The following IL3RA variants were observed in gnomAD, a reference collection of about 807,000 sequenced individuals.
IL3RA encodes the protein interleukin-3 receptor subunit alpha.
In IL3RA, 73 loss-of-function variants were observed where a neutral mutation model predicts 52.3. The ratio of observed to expected loss-of-function variants is 1.40; its 90% CI spans 1.16 to 1.70. IL3RA has a LOEUF of 1.70. Among genes scored for constraint, IL3RA ranks in the 40% most tolerant of loss-of-function variants. IL3RA has a pLI of 0.00. For missense variants in IL3RA, 664 were observed against 504.4 expected (o/e 1.32, Z -3.03); for synonymous variants, 260 against 194.0 (o/e 1.34, Z -2.83).
chrX:1,348,325 C>G, intron 3 of IL3RA, 106 bp from the exon 4 acceptor site: 8 of 860,948 alleles, frequency 9.3e-6, no homozygotes, highest in Non-Finnish European at 1.2e-5. Context: ...TGCACTCCAG[C>G]GTGGGCGACG....
At chrX:1,339,796 AAAAAC>A (rs1320785755) in intron 1 of IL3RA, among the ~76,000 whole-genome samples, 26 of 152,130 alleles carry the variant, frequency 1.7e-4, no homozygotes, top group Non-Finnish European at 3.4e-4. Flanking sequence ...CCATCTCAGA[AAAAAC>A]AAAACAAAAC....
intron 6 of IL3RA, 25 bp downstream of exon 6, chrX:1,352,531 C>T (rs1332520993): frequency 2.5e-6 from 4 of 1,606,754 alleles, no homozygotes; most frequent in East Asian, 2.2e-5. Context: ...ACACTCCCTC[C>T]CACCCTCAGT....
intron 6 of IL3RA, among the ~76,000 whole-genome samples, chrX:1,353,224 CCCCCCCA>C (rs2086236831): frequency 1.4e-4 from 3 of 20,792 alleles, no homozygotes; most frequent in African/African-American, 2.7e-4. Flanking sequence ...GGTAATAGGA[CCCCCCCA>C]TCATGGGTTC....
At chrX:1,344,530 T>G (rs1389829529) in intron 2 of IL3RA, among the ~76,000 whole-genome samples, 1 of 151,512 alleles carries the variant, frequency 6.6e-6, no homozygotes, top group Non-Finnish European at 1.5e-5. Flanking sequence ...ATCCCAGCAC[T>G]TTGAGAGGCC....
At position 1,341,835 on chromosome X, in the gene IL3RA, A is replaced by G; in HGVS notation, c.64+6A>G. The stretch of plus-strand genomic sequence containing the variant: ...TCTCCTGCAAACGAAGGAAGGTAAG[A>G]ACTGGAGAAAAAATGCACGTGCCAC... On this transcript the variant is annotated splice_donor_region_variant and intron_variant, in intron 2 of 11. Coordinates refer to ENST00000331035, the MANE Select transcript of IL3RA (RefSeq NM_002183.4). 1 of 1,613,844 alleles carries G rather than the reference A, an allele frequency of 6.2e-7. No individual in the cohort carries two copies.
chrX:1,382,397 T>G lies in IL3RA; in HGVS notation c.1069T>G (p.Trp357Gly). The G allele has an allele frequency of 6.2e-7, 1 of 1,613,704 alleles. No homozygotes were observed. Among genetic ancestry groups the G allele is most frequent in the Non-Finnish European group, 8.5e-7 (1 of 1,179,692 alleles). ...CCTCCTCTCGTCTCTGCAGGTGGTC[T>G]GGGAGGCGGGCAAAGCCGGCCTGGA... ...DSFQNDKLVV[W>G]EAGKAGLEEC... The change falls in exon 12 of 12, where the codon TGG becomes GGG. Residue 357 changes from tryptophan to glycine, a missense_variant. Coordinates refer to ENST00000331035, the MANE Select transcript of IL3RA (RefSeq NM_002183.4).
rs1218148690 is a variant in IL3RA at position 1,378,667 on chromosome X, CAGG to C, written c.890_892del (p.Glu297del). 1.2e-6 allele frequency: 2 copies of C among 1,612,268 alleles called. No individual in the cohort carries two copies. Among genetic ancestry groups the C allele is most frequent in the Non-Finnish European group, 1.7e-6 (2 of 1,179,780 alleles). On this transcript the variant is annotated inframe_deletion, in exon 10 of 12. Coordinates refer to ENST00000331035, the MANE Select transcript of IL3RA (RefSeq NM_002183.4). Reference sequence around the variant, plus strand: ...TCACCCTTTACCCCTAGAGTGCGACCAGGAGGAGGGCGCAAACACACGTGCCTG... The same window carrying C: ...TCACCCTTTACCCCTAGAGTGCGACCAGGAGGGCGCAAACACACGTGCCTG...
At chrX:1,378,435 G>A (rs2088949164) in intron 9 of IL3RA, among the ~76,000 whole-genome samples, 2 of 152,256 alleles carry the variant, frequency 1.3e-5, no homozygotes, top group Middle Eastern at 3.4e-3. Context: ...GACTGGGGCT[G>A]GGAGGTCCGG....
rs2085504031 is a variant in IL3RA at position 1,341,712 on chromosome X, C to T, written c.-38-16C>T. The T allele has an allele frequency of 2.5e-6, 4 of 1,606,746 alleles. No individual in the cohort carries two copies. In the Admixed American group the frequency reaches 6.7e-5, roughly 27 times the overall value. ...CACAGCCAGTCCCCGCTGCCTGACTCTCGTTTCTCCTGCAGCAGGCACCTC... is the reference window on the plus strand; with the variant it reads ...CACAGCCAGTCCCCGCTGCCTGACTTTCGTTTCTCCTGCAGCAGGCACCTC... On this transcript the variant is annotated splice_polypyrimidine_tract_variant and intron_variant, in intron 1 of 11. Transcript: ENST00000331035.
At chrX:1,359,916 C>A (rs550070041) in intron 8 of IL3RA, among the ~76,000 whole-genome samples, 2 of 143,478 alleles carry the variant, frequency 1.4e-5, no homozygotes, top group African/African-American at 5.2e-5. Flanking sequence ...TCTGTCTCTC[C>A]CTGTGTCTAT....
At chrX:1,364,364 G>A (rs1449850605) in intron 8 of IL3RA, among the ~76,000 whole-genome samples, 7 of 151,684 alleles carry the variant, frequency 4.6e-5, no homozygotes, top group Middle Eastern at 3.4e-3. Context: ...GGTGGTGGGC[G>A]CCTGTAATCC....
intron 6 of IL3RA, 110 bp from the exon 7 acceptor site, chrX:1,356,111 C>T: frequency 1.4e-6 from 1 of 732,074 alleles, no homozygotes; most frequent in Non-Finnish European, 2.4e-6. Flanking sequence ...TCCCGCTCTC[C>T]AAATGCATAG....
chrX:1,346,057 G>A, intron 3 of IL3RA, among the ~76,000 whole-genome samples: 1 of 151,760 alleles, frequency 6.6e-6, no homozygotes, highest in East Asian at 1.9e-4. Flanking sequence ...GCTCACGTCT[G>A]TAATCCCAGC....
chrX:1,381,238 A>G, intron 11 of IL3RA, 134 bp downstream of exon 11: 1 of 777,842 alleles, frequency 1.3e-6, no homozygotes. Flanking sequence ...GTGTCTACTA[A>G]AAATACAAAA....
At position 1,348,663 on chromosome X, in the gene IL3RA, TTTC is replaced by T. The variant is rs2085906139; in HGVS notation, c.298+121_298+123del. 1.3e-5 allele frequency: 6 copies of T among 450,036 alleles called. No individual in the cohort carries two copies. In the South Asian group the frequency reaches 1.4e-4, roughly 11 times the overall value. 27.9% of individuals were successfully genotyped at this position (450,036 alleles called of 1,614,324 possible). On this transcript the variant is annotated intron_variant, in intron 4 of 11. Coordinates refer to ENST00000331035, the MANE Select transcript of IL3RA (RefSeq NM_002183.4). Reference sequence around the variant, plus strand: ...CTTTTTCTCTTTCTTTCTTTCTTTCTTTCTTTCTTTCTTTCTTTCTTTCTTTCT... The same window carrying T: ...CTTTTTCTCTTTCTTTCTTTCTTTCTTTTCTTTCTTTCTTTCTTTCTTTCT...
rs767005530 is a variant in IL3RA, at chrX:1,378,657, A to G, written c.875-2A>G. On this transcript the variant is annotated splice_acceptor_variant, in intron 9 of 11. Coordinates refer to ENST00000331035, the MANE Select transcript of IL3RA (RefSeq NM_002183.4). LOFTEE classifies it high-confidence loss of function. ...TGTGACCCTCTCACCCTTTACCCCT[A>G]GAGTGCGACCAGGAGGAGGGCGCAA... 5 of 1,611,670 alleles carry G rather than the reference A, an allele frequency of 3.1e-6. No individual in the cohort carries two copies. Among genetic ancestry groups the G allele is most frequent in the East Asian group, 4.5e-5 (2 of 44,876 alleles).
intron 3 of IL3RA, among the ~76,000 whole-genome samples, chrX:1,346,681 C>G (rs1222571689): frequency 6.7e-6 from 1 of 150,316 alleles, no homozygotes; most frequent in Non-Finnish European, 1.5e-5. Flanking sequence ...ATCACGAAAT[C>G]CTTCCAAATC....
intron 4 of IL3RA, among the ~76,000 whole-genome samples, chrX:1,351,309 C>T (rs73178951): frequency 0.05 from 7,443 of 149,546 alleles, 186 homozygotes; most frequent in Middle Eastern, 0.14. Context: ...ATACAAAAGG[C>T]ACTCTAAAAA....
At chrX:1,381,947 TG>T (rs745377739) in intron 11 of IL3RA, among the ~76,000 whole-genome samples, 3 of 109,316 alleles carry the variant, frequency 2.7e-5, no homozygotes, top group Admixed American at 9.2e-5. Flanking sequence ...TGTTTTGTTT[TG>T]TTTGTTTTTG....
Sources: allele counts gnomAD v4.1 joint callset (sites outside exome capture counted in the v4.1 genomes callset), GRCh38; gene constraint gnomAD v4.1.1; transcripts MANE v1.5; gene names NCBI Gene and HGNC (gene_info 2026-07-23, HGNC 2026-07-21).